LRBA: variants seen among roughly 807,000 people sequenced by gnomAD.
LRBA encodes LPS responsive beige-like anchor protein, also known as lipopolysaccharide-responsive and beige-like anchor protein.
LRBA carries 176 observed loss-of-function variants against 330.0 expected under a neutral mutation model. The ratio of observed to expected loss-of-function variants is 0.53; its 90% CI spans 0.47 to 0.60. LRBA has a LOEUF of 0.60. LRBA is among the 20% of genes least tolerant of loss of function. LRBA has a pLI of 0.00. For missense variants in LRBA, 3,259 were observed against 3,444.8 expected, an observed-to-expected ratio of 0.95 and a Z score of 1.35; for synonymous variants, 1,230 against 1,193.0, an observed-to-expected ratio of 1.03 and a Z score of -0.64.
intron 2 of LRBA, among the ~76,000 whole-genome samples, chr4:150,936,588 T>C (rs1342086629): frequency 6.6e-6 from 1 of 151,984 alleles, no homozygotes. Flanking sequence ...AGTAATTCCA[T>C]AATTATATAA....
At chr4:150,762,975 T>C (rs904812328) in intron 34 of LRBA, among the ~76,000 whole-genome samples, 3 of 151,998 alleles carry the variant, frequency 2.0e-5, no homozygotes, top group Non-Finnish European at 4.4e-5. Flanking sequence ...CTCTTTTCCA[T>C]GTCCACTTTC....
At chr4:150,977,451 T>C (rs1740315616) in intron 2 of LRBA, among the ~76,000 whole-genome samples, 1 of 152,028 alleles carries the variant, frequency 6.6e-6, no homozygotes. Context: ...CAGGATTGAT[T>C]ACTTGCTGAC....
intron 40 of LRBA, among the ~76,000 whole-genome samples, chr4:150,565,959 G>A (rs1001342808): frequency 6.6e-6 from 1 of 151,884 alleles, no homozygotes; most frequent in Non-Finnish European, 1.5e-5. Context: ...CAAGCCCAGT[G>A]GCTCACACCT....
At chr4:150,641,898 T>C (rs1054880094) in intron 37 of LRBA, among the ~76,000 whole-genome samples, 4 of 152,088 alleles carry the variant, frequency 2.6e-5, no homozygotes, top group African/African-American at 9.6e-5. Flanking sequence ...TTACTGCCTC[T>C]CATGAATAAA....
At chr4:150,461,226 C>G (rs1308040082) in intron 44 of LRBA, among the ~76,000 whole-genome samples, 2 of 151,800 alleles carry the variant, frequency 1.3e-5, no homozygotes, top group East Asian at 3.8e-4. Context: ...TCATAAATAA[C>G]ATTAAAACAG....
At chr4:150,297,067 T>C (rs1478816838) in intron 53 of LRBA, among the ~76,000 whole-genome samples, 1 of 152,186 alleles carries the variant, frequency 6.6e-6, no homozygotes, top group African/African-American at 2.4e-5. Context: ...ACAACTTTCT[T>C]TGGCATGGCA....
chr4:150,435,620 C>T lies in LRBA; in HGVS notation c.7010G>A (p.Arg2337Gln), dbSNP rs1198087317. 24 of 1,612,666 alleles carry T rather than the reference C, an allele frequency of 1.5e-5. No individual in the cohort carries two copies. The highest frequency in any genetic ancestry group is 3.3e-5 in the Admixed American group (2 of 59,704). Reference protein sequence around the residue: ...RTFSSISRAWRNSQRDTSDIK... With the variant: ...RTFSSISRAWQNSQRDTSDIK... ...ATCAGAGGTATCACGCTGACTGTTT[C>T]GCCAAGCTCTGGAAATTGATGAAAA... Residue 2337 changes from arginine (R) to glutamine (Q), a missense_variant, in exon 46 of 57, where the codon CGA (arginine) becomes CAA (glutamine). By Grantham distance (43) the Arg-to-Gln change is conservative. Transcript: ENST00000651943.
At chr4:150,953,347 C>T (rs1737067865) in intron 2 of LRBA, among the ~76,000 whole-genome samples, 1 of 151,214 alleles carries the variant, frequency 6.6e-6, no homozygotes, top group Non-Finnish European at 1.5e-5. Context: ...AAAAGAATAG[C>T]TCCCTCTCCC....
intron 2 of LRBA, among the ~76,000 whole-genome samples, chr4:150,993,370 G>A (rs1321197629): frequency 2.6e-5 from 4 of 151,916 alleles, no homozygotes; most frequent in Non-Finnish European, 5.9e-5. Flanking sequence ...ATACTGCATC[G>A]CCAACTTATG....
chr4:150,892,954 C>A (rs1425484062), intron 17 of LRBA, 98 bp downstream of exon 17: 14 of 700,096 alleles, frequency 2.0e-5, no homozygotes, highest in Non-Finnish European at 6.9e-6. Context: ...GCTATAAACT[C>A]ATTTCATATG....
At chr4:150,932,321 A>G (rs1021686510) in intron 2 of LRBA, among the ~76,000 whole-genome samples, 1 of 151,888 alleles carries the variant, frequency 6.6e-6, no homozygotes, top group Non-Finnish European at 1.5e-5. Context: ...CTGAAAAAAA[A>G]TTTTTAAAAG....
chr4:150,685,727 G>A (rs535063210), intron 36 of LRBA, among the ~76,000 whole-genome samples: 3 of 151,748 alleles, frequency 2.0e-5, no homozygotes, highest in South Asian at 2.1e-4. Flanking sequence ...GAGCCACCGC[G>A]CCTGGCCAAG....
At chr4:150,876,392 T>A (rs1754029873) in intron 17 of LRBA, among the ~76,000 whole-genome samples, 1 of 151,854 alleles carries the variant, frequency 6.6e-6, no homozygotes, top group South Asian at 2.1e-4. Context: ...AAAATGAACA[T>A]CACCACAGCA....
At chr4:150,356,209 T>G (rs1298029647) in intron 47 of LRBA, among the ~76,000 whole-genome samples, 3 of 152,110 alleles carry the variant, frequency 2.0e-5, no homozygotes, top group Non-Finnish European at 4.4e-5. Flanking sequence ...TTAAATGATT[T>G]TGATTGAATA....
chr4:150,925,812 A>G (rs1299290512), intron 4 of LRBA, among the ~76,000 whole-genome samples: 1 of 152,222 alleles, frequency 6.6e-6, no homozygotes, highest in African/African-American at 2.4e-5. Flanking sequence ...GAATATAAAT[A>G]AAAACCAAAA....
chr4:150,544,769 C>G (rs1173236849), intron 40 of LRBA, among the ~76,000 whole-genome samples: 1 of 152,180 alleles, frequency 6.6e-6, no homozygotes, highest in African/African-American at 2.4e-5. Context: ...TAAAATTGGG[C>G]TTACATATAT....
chr4:150,441,864 TCTTTA>T (rs1317297057), intron 44 of LRBA, among the ~76,000 whole-genome samples: 3 of 152,132 alleles, frequency 2.0e-5, no homozygotes, highest in Non-Finnish European at 2.9e-5. Flanking sequence ...TTCAAATATT[TCTTTA>T]CTTAACAGGT....
intron 34 of LRBA, among the ~76,000 whole-genome samples, chr4:150,787,651 CTTTGTG>C (rs1405636389): frequency 2.0e-5 from 3 of 152,154 alleles, no homozygotes; most frequent in Non-Finnish European, 4.4e-5. Flanking sequence ...AGCGTTTATC[CTTTGTG>C]TTACAAACAA....
chr4:150,700,739 A>C (rs1359204791), intron 36 of LRBA, among the ~76,000 whole-genome samples: 8 of 150,358 alleles, frequency 5.3e-5, no homozygotes, highest in Non-Finnish European at 1.2e-4. Flanking sequence ...CTTTCTTTAT[A>C]TCCTTATTCT....
Sources: gnomAD v4.1 joint callset for allele counts (sites outside exome capture counted in the v4.1 genomes callset) on GRCh38, gnomAD v4.1.1 for gene constraint, MANE v1.5 for transcripts, NCBI Gene and HGNC (gene_info 2026-07-23, HGNC 2026-07-21) for gene names.